Variants in NOS2 observed in about 807,000 individuals in gnomAD.
NOS2 encodes the protein nitric oxide synthase, inducible.
Under a neutral mutation model 136.0 loss-of-function variants are expected in NOS2, and 96 were observed. That is an observed-to-expected ratio of 0.71 (90% confidence interval 0.60 to 0.84). NOS2 has a LOEUF of 0.84. Among genes scored for constraint, NOS2 ranks in the 40% least tolerant of loss-of-function variants. The probability of loss-of-function intolerance (pLI) is 0.00; values close to 1 mark genes in which losing one functional copy is unlikely to be tolerated. For synonymous variants in NOS2, 539 were observed against 587.5 expected (o/e 0.92, Z 1.20); for missense variants, 1,237 against 1,496.9 (o/e 0.83, Z 2.87).
chr17:27,785,549 G>C (rs1428423185), intron 5 of NOS2, among the ~76,000 whole-genome samples: 2 of 152,126 alleles, frequency 1.3e-5, no homozygotes, highest in Non-Finnish European at 2.9e-5. Flanking sequence ...AATTTTGCAG[G>C]CTTTCCAGGT....
intron 2 of NOS2, among the ~76,000 whole-genome samples, chr17:27,793,938 CTGTGTCTGGGCTAAGATGCCCGGGTCG>C (rs904044893): frequency 1.3e-5 from 2 of 152,234 alleles, no homozygotes; most frequent in Non-Finnish European, 2.9e-5. Context: ...TGGCACTGGA[CTGTGTCTGGGCTAAGATGCCCGGGTCG>C]TGTTGGGCCT....
intron 18 of NOS2, among the ~76,000 whole-genome samples, chr17:27,766,980 G>T (rs868111897): frequency 1.7e-5 from 2 of 119,954 alleles, no homozygotes; most frequent in Admixed American, 2.3e-4. Flanking sequence ...CAGCCTGGAC[G>T]ACAGACCGAG....
Position 27,800,436 on chromosome 17 carries a change from C to T in NOS2, c.-171G>A, listed in dbSNP as rs375504356. The T allele has an allele frequency of 1.3e-5, 2 of 152,200 alleles. No individual in the cohort carries two copies. Among genetic ancestry groups the T allele is most frequent in the East Asian group, 3.9e-4 (2 of 5,184 alleles). 9.4% of individuals were successfully genotyped at this position (152,200 alleles called of 1,614,324 possible). On this transcript the variant is annotated 5_prime_UTR_variant, in exon 1 of 27. Transcript: ENST00000313735. ...TCGGGACTGTCTAGAACTGCCCAGT[C>T]CCCTCATCAAAGGTGGCCGAGAGAT...
At chr17:27,782,216 A>C (rs973603438) in intron 6 of NOS2, 110 bp from the exon 7 acceptor site, 8 of 882,372 alleles carry the variant, frequency 9.1e-6, no homozygotes, top group Non-Finnish European at 1.5e-5. Context: ...CTCAACACAC[A>C]AACACTCAAC....
At position 27,760,736 on chromosome 17, in the gene NOS2, C is replaced by T; in HGVS notation, c.2897G>A (p.Gly966Asp). 1.3e-6 allele frequency: 2 copies of T among 1,549,780 alleles called. No homozygotes were observed. The highest frequency in any genetic ancestry group is 1.7e-6 in the Non-Finnish European group (2 of 1,146,958). The change falls in exon 24 of 27, where the codon GGC becomes GAC. Residue 966 changes from glycine to aspartate, a missense_variant. This residue lies in a region of NOS2 where 782 missense variants were observed against 909.9 expected (regional missense o/e 0.86). Transcript: ENST00000313735. ...GGAGGGATCCTCGGGGAGGTGGAAG[C>T]CGCTGGCACTGAAGAGGACAGGAGA... The part of the protein sequence containing the change: ...PVPCFVRNAS[G>D]FHLPEDPSHP...
chr17:27,792,268 CTG>C (rs28998824), intron 2 of NOS2, among the ~76,000 whole-genome samples: 7 of 151,196 alleles, frequency 4.6e-5, no homozygotes, highest in Non-Finnish European at 1.0e-4. Flanking sequence ...CTGATGCTGG[CTG>C]TGTGTGTGTG....
chr17:27,783,854 G>C (rs1403100442), intron 5 of NOS2, among the ~76,000 whole-genome samples: 30 of 152,146 alleles, frequency 2.0e-4, no homozygotes, highest in Non-Finnish European at 1.5e-5. Context: ...ACCCTACGGG[G>C]ACAGTAAGCC....
intron 5 of NOS2, among the ~76,000 whole-genome samples, chr17:27,785,608 G>A (rs1908997061): frequency 6.6e-6 from 1 of 152,098 alleles, no homozygotes; most frequent in African/African-American, 2.4e-5. Context: ...TGGAAGATGA[G>A]GGCCTCTTCT....
chr17:27,789,712 G>A (rs199514706), intron 2 of NOS2, 24 bp from the exon 3 acceptor site: 11 of 1,570,550 alleles, frequency 7.0e-6, no homozygotes, highest in African/African-American at 1.4e-5. Flanking sequence ...CAGCTAGCAT[G>A]AGATGCGGTA....
intron 2 of NOS2, chr17:27,793,761 G>T (rs1488755383): frequency 1.3e-5 from 5 of 387,162 alleles, no homozygotes; most frequent in East Asian, 1.1e-4. Context: ...TTTATCGCTC[G>T]GAGCCTGCAG....
intron 3 of NOS2, 38 bp from the exon 4 acceptor site, chr17:27,788,969 T>G: frequency 6.2e-7 from 1 of 1,603,408 alleles, no homozygotes; most frequent in African/African-American, 1.3e-5. Flanking sequence ...CTCAGGTCTC[T>G]CCTAGACCCC....
At chr17:27,760,599 C>T (rs1285782196) in intron 24 of NOS2, 24 bp downstream of exon 24, 1 of 1,551,958 alleles carries the variant, frequency 6.4e-7, no homozygotes, top group Admixed American at 2.0e-5. Flanking sequence ...GTGCCCCTCC[C>T]ACCTGGGAAG....
At position 27,798,890 on chromosome 17, in the gene NOS2, A is replaced by G; in HGVS notation, c.-73-8T>C. 1 of 899,386 alleles carries G rather than the reference A, an allele frequency of 1.1e-6. No homozygotes were observed. Among genetic ancestry groups the G allele is most frequent in the Non-Finnish European group, 1.9e-6 (1 of 536,700 alleles). 55.7% of individuals were successfully genotyped at this position (899,386 alleles called of 1,614,324 possible). A position where few individuals can be genotyped will look rare whatever the true frequency, so the allele number is the denominator to read the frequency against. On this transcript the variant is annotated splice_polypyrimidine_tract_variant and splice_region_variant and intron_variant, in intron 1 of 26. Coordinates refer to ENST00000313735, the MANE Select transcript of NOS2 (RefSeq NM_000625.4). ...ATGTTCTTCACTGTGGGGCTGAAGA[A>G]GGGAAGCAGAGGTGAGGGAAGGTTG...
chr17:27,785,187 G>C (rs1908983139), intron 5 of NOS2, among the ~76,000 whole-genome samples: 1 of 152,064 alleles, frequency 6.6e-6, no homozygotes, highest in Non-Finnish European at 1.5e-5. Context: ...CTCTTCTGTG[G>C]ATTTCAGTTG....
At chr17:27,793,362 G>A (rs1191002460) in intron 2 of NOS2, among the ~76,000 whole-genome samples, 1 of 152,178 alleles carries the variant, frequency 6.6e-6, no homozygotes, top group Non-Finnish European at 1.5e-5. Context: ...AACTGAACCC[G>A]CATAGACGCC....
intron 7 of NOS2, among the ~76,000 whole-genome samples, chr17:27,781,713 T>TA (rs1238039064): frequency 6.6e-6 from 1 of 152,194 alleles, no homozygotes. Flanking sequence ...CCATGCCTTC[T>TA]AAAAAATGGG....
intron 26 of NOS2, among the ~76,000 whole-genome samples, 165 bp downstream of exon 26, chr17:27,758,716 A>T (rs370347459): frequency 1.2e-4 from 18 of 152,336 alleles, no homozygotes; most frequent in South Asian, 8.3e-4. Context: ...CAGTAAGGCC[A>T]TCTGACAGCC....
rs1488971523 is a variant in NOS2 at position 27,765,617 on chromosome 17, G to A, written c.2346C>T (p.Ala782=). The change falls in exon 20 of 27, where the codon GCC becomes GCT. Residue 782 remains alanine (A), a synonymous_variant. Coordinates refer to ENST00000313735, the MANE Select transcript of NOS2 (RefSeq NM_000625.4). ...HLGVCPGNQP[A]LVQGILERVV... is the part of the protein sequence containing the mutation. ...CTCGCTCCAGGATACCTTGGACCAGGGCCGGCTGGTTGCCTGGGCAAACCC... is the reference window on the plus strand; with the variant it reads ...CTCGCTCCAGGATACCTTGGACCAGAGCCGGCTGGTTGCCTGGGCAAACCC... The A allele has an allele frequency of 1.9e-6, 3 of 1,612,940 alleles. No individual in the cohort carries two copies. Among genetic ancestry groups the A allele is most frequent in the Non-Finnish European group, 2.5e-6 (3 of 1,179,960 alleles).
chr17:27,762,244 C>T (rs569572948), intron 22 of NOS2, among the ~76,000 whole-genome samples: 2 of 152,336 alleles, frequency 1.3e-5, no homozygotes, highest in African/African-American at 4.8e-5. Context: ...ACTGCCGCCT[C>T]TAGATGCTCC....
Sources: allele counts gnomAD v4.1 joint callset (sites outside exome capture counted in the v4.1 genomes callset), GRCh38; gene constraint gnomAD v4.1.1; regional missense constraint gnomAD v4.1.1; transcripts MANE v1.5; gene names NCBI Gene and HGNC (gene_info 2026-07-23, HGNC 2026-07-21).